VPS13B: variants seen among roughly 807,000 people sequenced by gnomAD.
VPS13B encodes the protein intermembrane lipid transfer protein VPS13B.
VPS13B carries 285 observed loss-of-function variants against 426.4 expected under a neutral mutation model. The observed-to-expected ratio is 0.67, with a 90% confidence interval of 0.61 to 0.74. VPS13B has a LOEUF of 0.74. VPS13B is among the 30% of genes least tolerant of loss of function. The pLI, the probability that VPS13B is intolerant of heterozygous loss-of-function variation, is 0.00. For synonymous variants in VPS13B, 1,676 were observed against 1,676.4 expected (o/e 1.00, Z 0.01); for missense variants, 4,537 against 4,782.6 (o/e 0.95, Z 1.51).
At chr8:99,571,480 T>C (rs1186781734) in intron 31 of VPS13B, among the ~76,000 whole-genome samples, 1 of 152,162 alleles carries the variant, frequency 6.6e-6, no homozygotes, top group Non-Finnish European at 1.5e-5. Context: ...CTTATTTATA[T>C]TTTGTTACTA....
chr8:99,670,816 A>G (rs141868741), intron 35 of VPS13B, among the ~76,000 whole-genome samples: 1 of 152,150 alleles, frequency 6.6e-6, no homozygotes, highest in African/African-American at 2.4e-5. Context: ...CAGGATTTCA[A>G]TCTTTTTAAG....
intron 27 of VPS13B, among the ~76,000 whole-genome samples, chr8:99,503,253 A>G (rs1274773654): frequency 6.6e-6 from 1 of 152,230 alleles, no homozygotes; most frequent in Non-Finnish European, 1.5e-5. Context: ...AAAATACTTT[A>G]TTGCTAAAAT....
rs190524620 is a variant in VPS13B, at chr8:99,098,719, A to G, written c.412+2287A>G. ...AATTACTCTGTGGAAAGTTTGTAAC[A>G]ATACTTTATTCCAATCACATTTTTA... On this transcript the variant is annotated intron_variant, in intron 4 of 61. Coordinates refer to ENST00000357162, the MANE Select transcript of VPS13B (RefSeq NM_152564.5). 3.2e-3 allele frequency among the ~76,000 whole-genome samples: 487 copies of G among 152,228 alleles called. 3 individuals carry two copies. Among genetic ancestry groups the G allele is most frequent in the Non-Finnish European group, 3.9e-3 (267 of 67,960 alleles).
At chr8:99,733,785 A>G (rs917768084) in intron 39 of VPS13B, among the ~76,000 whole-genome samples, 2 of 152,204 alleles carry the variant, frequency 1.3e-5, no homozygotes, top group Non-Finnish European at 2.9e-5. Context: ...GTTTTCTAGC[A>G]ACATTTTTAA....
At chr8:99,791,700 A>C (rs533562947) in intron 43 of VPS13B, among the ~76,000 whole-genome samples, 1 of 150,850 alleles carries the variant, frequency 6.6e-6, no homozygotes, top group Admixed American at 6.6e-5. Flanking sequence ...GAATAACAGC[A>C]ACACATTCTG....
intron 3 of VPS13B, among the ~76,000 whole-genome samples, chr8:99,069,536 GTA>G (rs925555970): frequency 1.3e-5 from 2 of 152,168 alleles, no homozygotes; most frequent in Non-Finnish European, 2.9e-5. Flanking sequence ...TAGGGTGTGT[GTA>G]TATATATGTG....
In VPS13B at chr8:99,096,433, G is replaced by T. The variant is rs1057517295; in HGVS notation, c.412+1G>T. ...CCTACAGATCCTGACTTACCACCAG[G>T]TAACTTCTAATGGGATCAATAAAAC... On this transcript the variant is annotated splice_donor_variant, in intron 4 of 61. Transcript: ENST00000357162. LOFTEE classifies it high-confidence loss of function. 1 of 1,613,890 alleles carries T rather than the reference G, an allele frequency of 6.2e-7. No individual in the cohort carries two copies. Among genetic ancestry groups the T allele is most frequent in the Middle Eastern group, 1.7e-4 (1 of 6,058 alleles).
At position 99,871,568 on chromosome 8, in the gene VPS13B, GGTGA is replaced by G. The variant is rs386834066; in HGVS notation, c.11620_11623del (p.Ser3876ArgfsTer40). The G allele has an allele frequency of 8.7e-6, 14 of 1,614,200 alleles. No homozygotes were observed. The highest frequency in any genetic ancestry group is 4.5e-5 in the East Asian group (2 of 44,878). ...TGCTGACATCAGAAGTGCTCTTCGT[GGTGA>G]GTGTCAGTGAGGACACACAGCAGCA... On this transcript the variant is annotated frameshift_variant, in exon 61 of 62. Coordinates refer to ENST00000357162, the MANE Select transcript of VPS13B (RefSeq NM_152564.5). LOFTEE classifies it high-confidence loss of function.
chr8:99,510,605 C>T (rs1467778619), intron 28 of VPS13B, among the ~76,000 whole-genome samples: 1 of 152,156 alleles, frequency 6.6e-6, no homozygotes, highest in East Asian at 1.9e-4. Context: ...CGGGTTGAAG[C>T]GATTCTTGTG....
At chr8:99,449,358 A>T (rs1818076207) in intron 23 of VPS13B, among the ~76,000 whole-genome samples, 1 of 152,292 alleles carries the variant, frequency 6.6e-6, no homozygotes, top group South Asian at 2.1e-4. Context: ...GGATGAATTT[A>T]GTTTGGTCCA....
rs775600142 is a variant in VPS13B, at chr8:99,820,058, T to A, written c.8930T>A (p.Phe2977Tyr). ...INESKWDLWLFEGEKIVLQVP... is the reference protein window; with the variant it reads ...INESKWDLWLYEGEKIVLQVP... ...GAATCCAAATGGGACCTCTGGCTATTTGAAGGAGAGAAAATTGTTCTACAG... is the reference window on the plus strand; with the variant it reads ...GAATCCAAATGGGACCTCTGGCTATATGAAGGAGAGAAAATTGTTCTACAG... Residue 2977 changes from phenylalanine (F) to tyrosine (Y), a missense_variant, in exon 49 of 62, where the codon TTT becomes TAT. Coordinates refer to ENST00000357162, the MANE Select transcript of VPS13B (RefSeq NM_152564.5). The A allele has an allele frequency of 6.2e-7, 1 of 1,613,994 alleles. No individual in the cohort carries two copies. The highest frequency in any genetic ancestry group is 1.7e-5 in the Admixed American group (1 of 60,012).
At chr8:99,074,841 T>A (rs1265184684) in intron 3 of VPS13B, among the ~76,000 whole-genome samples, 1 of 152,086 alleles carries the variant, frequency 6.6e-6, no homozygotes, top group Non-Finnish European at 1.5e-5. Context: ...TTCACCATGT[T>A]GGTCAGGCTG....
intron 50 of VPS13B, among the ~76,000 whole-genome samples, chr8:99,822,101 A>G (rs1036563823): frequency 6.6e-6 from 1 of 152,226 alleles, no homozygotes; most frequent in African/African-American, 2.4e-5. Context: ...ATAACTAATC[A>G]CATTATGTAT....
intron 13 of VPS13B, among the ~76,000 whole-genome samples, chr8:99,144,828 T>C (rs1157688364): frequency 6.6e-6 from 1 of 152,152 alleles, no homozygotes; most frequent in African/African-American, 2.4e-5. Flanking sequence ...CAAGTTAAAA[T>C]ATTTCAGTCA....
intron 39 of VPS13B, among the ~76,000 whole-genome samples, chr8:99,738,509 T>A (rs915489287): frequency 6.6e-6 from 1 of 152,250 alleles, no homozygotes; most frequent in African/African-American, 2.4e-5. Context: ...TTAAGAAAAT[T>A]CAGAGCTTAA....
At chr8:99,192,827 C>T in intron 16 of VPS13B, 49 bp from the exon 17 acceptor site, 1 of 1,599,690 alleles carries the variant, frequency 6.3e-7, no homozygotes, top group South Asian at 1.1e-5. Flanking sequence ...ATTTTGTTGT[C>T]TGTAAATGCT....
chr8:99,642,266 T>C lies in VPS13B; in HGVS notation c.5676T>C (p.Ser1892=), dbSNP rs1057231115. Reference sequence around the variant, plus strand: ...CAGGGAAAAAAATAGGGGTCCTCTCTCTTGAAAGTCTTCATGCATCCACAA... The same window carrying C: ...CAGGGAAAAAAATAGGGGTCCTCTCCCTTGAAAGTCTTCATGCATCCACAA... The part of the protein sequence containing the change: ...FPSGKKIGVL[S]LESLHASTRS... The change falls in exon 34 of 62, where the codon TCT becomes TCC. Residue 1892 remains serine, a synonymous_variant. Coordinates refer to ENST00000357162, the MANE Select transcript of VPS13B (RefSeq NM_152564.5). The C allele has an allele frequency of 1.2e-6, 2 of 1,614,168 alleles. No homozygotes were observed. Among genetic ancestry groups the C allele is most frequent in the Non-Finnish European group, 1.7e-6 (2 of 1,180,004 alleles).
chr8:99,507,035 C>T, intron 27 of VPS13B, 102 bp from the exon 28 acceptor site: 1 of 1,216,020 alleles, frequency 8.2e-7, no homozygotes, highest in East Asian at 2.4e-5. Context: ...TAGTTCAGTG[C>T]AGTGTTGTGA....
chr8:99,723,127 A>G (rs962590908), intron 39 of VPS13B, among the ~76,000 whole-genome samples: 4 of 152,238 alleles, frequency 2.6e-5, no homozygotes, highest in Non-Finnish European at 5.9e-5. Context: ...TTGCTCTAGC[A>G]CTTGCAAACA....
Sources: gnomAD v4.1 joint callset for allele counts (sites outside exome capture counted in the v4.1 genomes callset) on GRCh38, gnomAD v4.1.1 for gene constraint, MANE v1.5 for transcripts, NCBI Gene and HGNC (gene_info 2026-07-23, HGNC 2026-07-21) for gene names.